Variants in DPP6 observed in about 807,000 individuals in gnomAD.
DPP6 encodes A-type potassium channel modulatory protein DPP6.
Under a neutral mutation model 122.6 loss-of-function variants are expected in DPP6, and 69 were observed. The observed-to-expected ratio is 0.56, with a 90% CI of 0.46 to 0.69. The LOEUF (loss-of-function observed/expected upper bound fraction) is 0.69, where lower values mean the gene tolerates loss of function less well. Ranked by LOEUF, DPP6 falls within the 30% of genes least tolerant of loss-of-function variation. The pLI is 0.00. For missense variants in DPP6, 928 were observed against 1,116.9 expected (o/e 0.83, Z 2.41); for synonymous variants, 418 against 433.1 (o/e 0.97, Z 0.43).
chr7:153,815,705 A>T, the DPP6 span, among the ~76,000 whole-genome samples: 1 of 152,154 alleles, frequency 6.6e-6, no homozygotes, highest in Non-Finnish European at 1.5e-5. Flanking sequence ...AGCTTCCCTA[A>T]AACAAATTCA....
the DPP6 span, among the ~76,000 whole-genome samples, chr7:153,814,101 C>T: frequency 2.0e-5 from 3 of 152,054 alleles, no homozygotes; most frequent in Non-Finnish European, 2.9e-5. Flanking sequence ...CTTGCCCATG[C>T]CTATGTCCTG....
intron 1 of DPP6, among the ~76,000 whole-genome samples, chr7:154,279,841 C>T (rs1034639463): frequency 6.6e-5 from 10 of 152,224 alleles, no homozygotes; most frequent in African/African-American, 2.2e-4. Context: ...AACCCACACA[C>T]AATTACTGCA....
At chr7:153,932,123 C>CTTTTTT (rs11342253) in intron 1 of DPP6, among the ~76,000 whole-genome samples, 2 of 135,702 alleles carry the variant, frequency 1.5e-5, no homozygotes, top group East Asian at 2.2e-4. Flanking sequence ...CATTTTGTGC[C>CTTTTTT]TTTTTTTTTT....
At chr7:153,855,117 T>C in the DPP6 span, among the ~76,000 whole-genome samples, 4 of 136,758 alleles carry the variant, frequency 2.9e-5, no homozygotes, top group South Asian at 2.8e-4. Flanking sequence ...AGGGATAGCA[T>C]TGGGAGATAT....
Position 154,063,342 on chromosome 7 carries a change from T to G in DPP6, c.243+10279T>G, listed in dbSNP as rs1308592087. Among the ~76,000 whole-genome samples, 18 of 108,460 alleles carry G rather than the reference T, an allele frequency of 1.7e-4. 1 individual carries two copies. The East Asian group carries it at 3.0e-3, about 18-fold the overall frequency. The allele number at this position is 108,460 out of a possible 152,430, so 71.2% of individuals were successfully genotyped here. A position where few individuals can be genotyped will look rare whatever the true frequency, so the allele number is the denominator to read the frequency against. On this transcript the variant is annotated intron_variant, in intron 1 of 25. Transcript: ENST00000377770. The stretch of plus-strand genomic sequence containing the variant: ...CAGTCCCTCTTCTCCCTCTGGCTCT[T>G]AGGAACCCCATTGCAGGAGGGTGTG...
chr7:154,490,663 T>C (rs574074255), intron 3 of DPP6, among the ~76,000 whole-genome samples: 1 of 152,346 alleles, frequency 6.6e-6, no homozygotes, highest in South Asian at 2.1e-4. Context: ...AATAAAATAA[T>C]GTTGCTGGAG....
rs1281109339 is a variant in DPP6, at chr7:154,760,922, C to A, written c.884-8495C>A. Among the ~76,000 whole-genome samples the A allele has an allele frequency of 2.0e-5, 3 of 151,914 alleles. No homozygotes were observed. The highest frequency in any genetic ancestry group is 7.2e-5 in the African/African-American group (3 of 41,392). On this transcript the variant is annotated intron_variant, in intron 8 of 25. Coordinates refer to ENST00000377770, the MANE Select transcript of DPP6 (RefSeq NM_130797.4). This position sits in a 1 kb window ranked among gnomAD's most constrained non-coding sequence, Gnocchi z 4.5. ...CAATCTCGACTCACTGCAACCTCCG[C>A]TTCCCTGGTTCAAGCGATTCTCCTG...
intron 1 of DPP6, among the ~76,000 whole-genome samples, chr7:153,986,922 T>A (rs531107178): frequency 8.1e-4 from 123 of 151,810 alleles, no homozygotes; most frequent in African/African-American, 2.9e-3. Context: ...AATCATTTAA[T>A]TTGAATGAAG....
At chr7:154,870,002 C>G (rs546801309) in intron 18 of DPP6, among the ~76,000 whole-genome samples, 79 of 152,010 alleles carry the variant, frequency 5.2e-4, no homozygotes, top group African/African-American at 1.9e-3. Context: ...GTGTGTGAGA[C>G]AGAGTCTCAC....
chr7:154,491,125 T>A (rs1563753468), intron 3 of DPP6, among the ~76,000 whole-genome samples: 1 of 152,220 alleles, frequency 6.6e-6, no homozygotes, highest in Non-Finnish European at 1.5e-5. Context: ...CTTTTCCAAC[T>A]TTCTTCTCAA....
chr7:153,754,835 AT>A, the DPP6 span, among the ~76,000 whole-genome samples: 2 of 149,282 alleles, frequency 1.3e-5, no homozygotes, highest in Non-Finnish European at 3.0e-5. Context: ...CGGATATTGC[AT>A]TTTCAAATTC....
chr7:154,750,614 T>G lies in DPP6; in HGVS notation c.884-18803T>G, dbSNP rs1209105191. Among the ~76,000 whole-genome samples, 3 of 152,120 alleles carry G rather than the reference T, an allele frequency of 2.0e-5. 1 individual carries two copies. The South Asian group carries it at 6.2e-4, about 32-fold the overall frequency. On this transcript the variant is annotated intron_variant, in intron 8 of 25. Coordinates refer to ENST00000377770, the MANE Select transcript of DPP6 (RefSeq NM_130797.4). ...AGGGTGGCGGGGGTCGGCTTCCTCCTCTCTGCCTCTTCCCTTCCGCCACGC... is the reference window on the plus strand; with the variant it reads ...AGGGTGGCGGGGGTCGGCTTCCTCCGCTCTGCCTCTTCCCTTCCGCCACGC...
At chr7:154,627,411 G>T (rs1172521479) in intron 5 of DPP6, among the ~76,000 whole-genome samples, 1 of 150,936 alleles carries the variant, frequency 6.6e-6, no homozygotes, top group Non-Finnish European at 1.5e-5. Flanking sequence ...TGTTGGCCAG[G>T]CTGGTCTCGA....
intron 4 of DPP6, among the ~76,000 whole-genome samples, chr7:154,564,004 A>G (rs1328601351): frequency 1.3e-5 from 2 of 152,188 alleles, no homozygotes; most frequent in South Asian, 4.1e-4. Flanking sequence ...GAGCTCAAGA[A>G]AACAAGGAGA....
intron 18 of DPP6, among the ~76,000 whole-genome samples, chr7:154,870,617 A>C (rs1804303668): frequency 6.6e-6 from 1 of 151,972 alleles, no homozygotes; most frequent in Admixed American, 6.6e-5. Flanking sequence ...AAAAACAAAA[A>C]ACAAACAAAC....
chr7:154,536,006 C>T (rs1377679651), intron 3 of DPP6, among the ~76,000 whole-genome samples: 1 of 152,144 alleles, frequency 6.6e-6, no homozygotes, highest in Non-Finnish European at 1.5e-5. Context: ...TATGACCCAA[C>T]AATATAATAG....
chr7:154,056,670 A>G (rs566422034), intron 1 of DPP6, among the ~76,000 whole-genome samples: 9 of 152,160 alleles, frequency 5.9e-5, no homozygotes, highest in Admixed American at 2.6e-4. Context: ...GCAAATCACC[A>G]CCCATGATGT....
At chr7:154,804,999 C>T in intron 15 of DPP6, 35 bp downstream of exon 15, 1 of 1,574,980 alleles carries the variant, frequency 6.3e-7, no homozygotes, top group Non-Finnish European at 8.6e-7. Flanking sequence ...AGGGCTCTCC[C>T]CCTTAGGAGG....
intron 2 of DPP6, among the ~76,000 whole-genome samples, chr7:154,472,950 A>G (rs1169711137): frequency 6.6e-6 from 1 of 152,234 alleles, no homozygotes; most frequent in Admixed American, 6.5e-5. Context: ...ATAGAAAGAA[A>G]GATTTTCAGA....
Sources: gnomAD v4.1 joint callset for allele counts (sites outside exome capture counted in the v4.1 genomes callset) on GRCh38, gnomAD v4.1.1 for gene constraint, Gnocchi (gnomAD v3.1) non-coding constraint, MANE v1.5 for transcripts, NCBI Gene and HGNC (gene_info 2026-07-23, HGNC 2026-07-21) for gene names.